The following IL34 variants were observed in gnomAD, a reference collection of about 807,000 sequenced individuals.
IL34 encodes interleukin-34.
A neutral mutation model predicts 25.3 loss-of-function variants in IL34; 17 were observed. The observed-to-expected ratio is 0.67, with a 90% confidence interval of 0.46 to 1.01. The LOEUF (loss-of-function observed/expected upper bound fraction) is 1.01, where lower values mean the gene tolerates loss of function less well. Among genes scored for constraint, IL34 ranks in the 50% least tolerant of loss-of-function variants. The pLI, the probability that IL34 is intolerant of heterozygous loss-of-function variation, is 0.00. For missense variants in IL34, 368 were observed against 312.9 expected (o/e 1.18, Z -1.33); for synonymous variants, 174 against 140.9 (o/e 1.23, Z -1.66).
intron 1 of IL34, among the ~76,000 whole-genome samples, chr16:70,614,942 C>T (rs922016764): frequency 1.3e-5 from 2 of 152,182 alleles, no homozygotes; most frequent in African/African-American, 2.4e-5. Context: ...TAAACTCATA[C>T]GGTTTCAACA....
chr16:70,611,850 A>G (rs558845407), intron 1 of IL34, among the ~76,000 whole-genome samples: 13 of 149,370 alleles, frequency 8.7e-5, no homozygotes, highest in Non-Finnish European at 1.4e-4. Flanking sequence ...TCTTAAATAA[A>G]TAAATAAATA....
chr16:70,641,087 C>T (rs1342827257), intron 1 of IL34, among the ~76,000 whole-genome samples: 1 of 151,608 alleles, frequency 6.6e-6, no homozygotes, highest in African/African-American at 2.4e-5. Context: ...GCCTGGCCAA[C>T]ATGGTGAAAT....
At chr16:70,655,561 CTTTT>C (rs199730756) in intron 2 of IL34, among the ~76,000 whole-genome samples, 2 of 150,988 alleles carry the variant, frequency 1.3e-5, no homozygotes, top group East Asian at 3.9e-4. Context: ...CTAATTAAAA[CTTTT>C]TTTTTGAGTA....
chr16:70,636,576 C>G (rs1055901740), intron 1 of IL34, among the ~76,000 whole-genome samples: 17 of 138,138 alleles, frequency 1.2e-4, no homozygotes, highest in Admixed American at 1.1e-3. Context: ...GACAACATAG[C>G]AAACCCTGTC....
At chr16:70,592,916 G>A (rs1176286433) in intron 1 of IL34, among the ~76,000 whole-genome samples, 1 of 152,182 alleles carries the variant, frequency 6.6e-6, no homozygotes, top group Non-Finnish European at 1.5e-5. Context: ...GCCTCCCAAA[G>A]TACTGGGATT....
intron 1 of IL34, among the ~76,000 whole-genome samples, chr16:70,610,035 C>G (rs1249171600): frequency 6.6e-6 from 1 of 152,120 alleles, no homozygotes; most frequent in Non-Finnish European, 1.5e-5. Flanking sequence ...GAAACCGTCT[C>G]TACTAAAAAT....
intron 1 of IL34, among the ~76,000 whole-genome samples, chr16:70,630,281 A>T (rs755347151): frequency 3.3e-5 from 5 of 152,072 alleles, no homozygotes; most frequent in Non-Finnish European, 7.4e-5. Context: ...TCTGTCGCAC[A>T]GGCTGGAATG....
chr16:70,633,832 C>A (rs556719789), intron 1 of IL34, among the ~76,000 whole-genome samples: 1 of 152,020 alleles, frequency 6.6e-6, no homozygotes, highest in South Asian at 2.1e-4. Context: ...TCAATCATCA[C>A]GTGGTCTTCT....
intron 1 of IL34, among the ~76,000 whole-genome samples, chr16:70,594,201 G>T (rs1382426394): frequency 6.6e-6 from 1 of 151,298 alleles, no homozygotes; most frequent in Non-Finnish European, 1.5e-5. Context: ...AATCTACAAA[G>T]TTGGGGAGAA....
At chr16:70,659,125 C>A (rs1179812460) in intron 4 of IL34, among the ~76,000 whole-genome samples, 4 of 152,154 alleles carry the variant, frequency 2.6e-5, no homozygotes, top group Non-Finnish European at 4.4e-5. Flanking sequence ...CGGTGCACCC[C>A]ACATGACCCT....
chr16:70,658,904 TC>T (rs2052305654), intron 4 of IL34, among the ~76,000 whole-genome samples: 1 of 152,154 alleles, frequency 6.6e-6, no homozygotes, highest in African/African-American at 2.4e-5. Flanking sequence ...CTTAATTACC[TC>T]TGCAAAGAAC....
At chr16:70,644,890 AAG>A (rs760886588), upstream of IL34, among the ~76,000 whole-genome samples, 11 of 130,898 alleles carry the variant, frequency 8.4e-5, no homozygotes, top group Middle Eastern at 9.3e-3. Context: ...AAGGAGGTGG[AAG>A]AGGAAGGAGG....
At chr16:70,634,523 T>C (rs1345237230) in intron 1 of IL34, among the ~76,000 whole-genome samples, 2 of 151,616 alleles carry the variant, frequency 1.3e-5, no homozygotes, top group Admixed American at 6.6e-5. Flanking sequence ...CTACTAAAAA[T>C]ACAAAAATTA....
At chr16:70,594,020 C>T (rs917384623) in intron 1 of IL34, among the ~76,000 whole-genome samples, 2 of 152,202 alleles carry the variant, frequency 1.3e-5, no homozygotes, top group Non-Finnish European at 2.9e-5. Context: ...ACCACACTAT[C>T]TTGATTGCTA....
At chr16:70,584,535 G>C (rs1025883767) in intron 1 of IL34, among the ~76,000 whole-genome samples, 2 of 152,180 alleles carry the variant, frequency 1.3e-5, no homozygotes, top group Non-Finnish European at 2.9e-5. Context: ...TTTCTGGGGT[G>C]CTCATGCCTT....
intron 4 of IL34, among the ~76,000 whole-genome samples, chr16:70,658,657 GACGGGGTTCTGCCA>G (rs1274410695): frequency 2.0e-5 from 3 of 151,178 alleles, no homozygotes; most frequent in Admixed American, 2.0e-4. Context: ...TTTTAGTAGA[GACGGGGTTCTGCCA>G]TGTTGGTTAG....
At chr16:70,646,072 CTTAATTTTTTTTTTA>C (rs1314986864), upstream of IL34, among the ~76,000 whole-genome samples, 2 of 151,602 alleles carry the variant, frequency 1.3e-5, no homozygotes, top group East Asian at 1.9e-4. Flanking sequence ...TTTTTTTTTT[CTTAATTTTTTTTTTA>C]TTAATAGAAC....
upstream of IL34, among the ~76,000 whole-genome samples, chr16:70,643,182 C>A (rs1230022811): frequency 6.6e-6 from 1 of 152,070 alleles, no homozygotes; most frequent in Non-Finnish European, 1.5e-5. Context: ...CCTGCCTCAG[C>A]CTCCTGAGTA....
At chr16:70,648,466 T>TC (rs2151872870) in intron 1 of IL34, among the ~76,000 whole-genome samples, 1 of 140,010 alleles carries the variant, frequency 7.1e-6, no homozygotes, top group African/African-American at 2.7e-5. Context: ...GGTGGGAGGA[T>TC]CACTTGAGCC....
Sources: allele counts gnomAD v4.1 joint callset (sites outside exome capture counted in the v4.1 genomes callset), GRCh38; gene constraint gnomAD v4.1.1; transcripts MANE v1.5; gene names NCBI Gene and HGNC (gene_info 2026-07-23, HGNC 2026-07-21).